PLEKHD1: variants seen among roughly 807,000 people sequenced by gnomAD.
PLEKHD1 encodes the protein pleckstrin homology and coiled-coil domain containing D1.
A neutral mutation model predicts 69.2 loss-of-function variants in PLEKHD1; 51 were observed. That is an observed-to-expected ratio of 0.74 (90% CI 0.59 to 0.93). The LOEUF is 0.93. PLEKHD1 is among the 40% of genes least tolerant of loss of function. The pLI, the probability that PLEKHD1 is intolerant of heterozygous loss-of-function variation, is 0.00. For missense variants in PLEKHD1, 584 were observed against 641.0 expected (o/e 0.91, Z 0.96); for synonymous variants, 236 against 244.7 (o/e 0.96, Z 0.33).
At chr14:69,496,609 C>T (rs1008144769) in intron 1 of PLEKHD1, among the ~76,000 whole-genome samples, 4 of 151,930 alleles carry the variant, frequency 2.6e-5, no homozygotes, top group South Asian at 4.2e-4. Context: ...GGTGTGATCA[C>T]GGCTCACTGC....
intron 6 of PLEKHD1, among the ~76,000 whole-genome samples, chr14:69,506,965 C>T (rs1208998181): frequency 4.2e-5 from 6 of 141,506 alleles, no homozygotes; most frequent in Admixed American, 2.2e-4. Context: ...TGCAGTGGCG[C>T]GATCTCGGCT....
intron 6 of PLEKHD1, among the ~76,000 whole-genome samples, chr14:69,509,293 C>T (rs1307166538): frequency 4.6e-5 from 7 of 152,110 alleles, no homozygotes; most frequent in East Asian, 1.9e-4. Flanking sequence ...AATGTTTTCT[C>T]CTAGTTTGTG....
chr14:69,499,994 C>G, intron 1 of PLEKHD1, 121 bp from the exon 2 acceptor site: 1 of 673,114 alleles, frequency 1.5e-6, no homozygotes, highest in South Asian at 1.9e-5. Context: ...GTAAGGATGG[C>G]TGAGCTGGTG....
intron 6 of PLEKHD1, among the ~76,000 whole-genome samples, chr14:69,518,067 T>C (rs1470307675): frequency 6.6e-6 from 1 of 152,068 alleles, no homozygotes; most frequent in South Asian, 2.1e-4. Context: ...GGCATCACTT[T>C]GTCACCCAGG....
chr14:69,489,747 A>C (rs1179176830), intron 1 of PLEKHD1, among the ~76,000 whole-genome samples: 1 of 152,128 alleles, frequency 6.6e-6, no homozygotes, highest in East Asian at 1.9e-4. Context: ...TGTGTGCCAC[A>C]AATGACCCCA....
rs540482076 is a variant in PLEKHD1 at position 69,528,591 on chromosome 14, G to A, written c.*172G>A. The A allele has an allele frequency of 1.5e-4, 136 of 896,694 alleles. No homozygotes were observed. The African/African-American group carries it at 1.7e-3, about 11-fold the overall frequency. 55.5% of individuals were successfully genotyped at this position (896,694 alleles called of 1,614,324 possible). ...AGCCTTGCCCTCAAAGGACATGGAC[G>A]CTGCCTTCCTCATCCTCACCCCACA... On this transcript the variant is annotated 3_prime_UTR_variant, in exon 13 of 13. Coordinates refer to ENST00000322564, the MANE Select transcript of PLEKHD1 (RefSeq NM_001161498.2).
chr14:69,525,332 G>A (rs1158246847), intron 8 of PLEKHD1, among the ~76,000 whole-genome samples: 2 of 152,152 alleles, frequency 1.3e-5, no homozygotes. Context: ...CTGGAGCCTT[G>A]GAGCTTGTGG....
intron 1 of PLEKHD1, among the ~76,000 whole-genome samples, chr14:69,489,558 CAAAAA>C (rs1166429791): frequency 1.0e-3 from 62 of 59,892 alleles, no homozygotes; most frequent in East Asian, 6.4e-3. Flanking sequence ...TACTCCATCT[CAAAAA>C]AAAAAAAAAA....
chr14:69,496,836 T>C (rs911320207), intron 1 of PLEKHD1, among the ~76,000 whole-genome samples: 26 of 151,882 alleles, frequency 1.7e-4, no homozygotes, highest in African/African-American at 6.0e-4. Flanking sequence ...TATGAGCCAC[T>C]GTACCCAGCC....
intron 6 of PLEKHD1, among the ~76,000 whole-genome samples, chr14:69,511,595 G>T (rs1482019959): frequency 6.6e-6 from 1 of 151,776 alleles, no homozygotes; most frequent in African/African-American, 2.4e-5. Flanking sequence ...TGTCACCCAG[G>T]CTGGAGTGCA....
Position 69,530,953 on chromosome 14 carries a change from C to G in PLEKHD1, c.*2534C>G, listed in dbSNP as rs1318032392. ...CCTGGCCAATATGGCGAAACCCCAC[C>G]TGTACTAAAAATACAAAAATTAGCT... On this transcript the variant is annotated 3_prime_UTR_variant, in exon 13 of 13. Coordinates refer to ENST00000322564, the MANE Select transcript of PLEKHD1 (RefSeq NM_001161498.2). 1 of 152,214 alleles carries G rather than the reference C, an allele frequency of 6.6e-6. No homozygotes were observed. The highest frequency in any genetic ancestry group is 2.4e-5 in the African/African-American group (1 of 41,428). 9.4% of individuals were successfully genotyped at this position (152,214 alleles called of 1,614,324 possible). A position where few individuals can be genotyped will look rare whatever the true frequency, so the allele number is the denominator to read the frequency against.
chr14:69,527,266 C>A lies in PLEKHD1; in HGVS notation c.1135C>A (p.Leu379Met), dbSNP rs1306098369. 6.4e-7 allele frequency: 1 copy of A among 1,551,802 alleles called. No homozygotes were observed. Among genetic ancestry groups the A allele is most frequent in the Non-Finnish European group, 8.7e-7 (1 of 1,147,010 alleles). The change falls in exon 11 of 13, where the codon CTG (leucine) becomes ATG (methionine). Residue 379 changes from leucine (L) to methionine (M), a missense_variant. Transcript: ENST00000322564. ...GGCCTTGCGAAGCCTGGAACAGGGG[C>A]TGAATTCCAAGGTGCGGAATAAGGA... ...EGALRSLEQGLNSKVRNKEKE... is the reference protein window; with the variant it reads ...EGALRSLEQGMNSKVRNKEKE...
Position 69,506,891 on chromosome 14 carries a change from C to CTTTTT in PLEKHD1, c.555+4036_555+4040dup, listed in dbSNP as rs1162412450. 2.0e-3 allele frequency among the ~76,000 whole-genome samples: 155 copies of CTTTTT among 78,060 alleles called. 18 individuals carry two copies. Among genetic ancestry groups the CTTTTT allele is most frequent in the African/African-American group, 8.4e-3 (147 of 17,430 alleles). 51.2% of individuals were successfully genotyped at this position (78,060 alleles called of 152,430 possible). On this transcript the variant is annotated intron_variant, in intron 6 of 12. Transcript: ENST00000322564. ...ACTGTCCTAAAAATCCTGGCAACTG[C>CTTTTT]TTTTTTTTTTTTTTTTTTTTTTTTT...
At chr14:69,470,185 G>A in the PLEKHD1 span, among the ~76,000 whole-genome samples, 88 of 151,866 alleles carry the variant, frequency 5.8e-4, 2 homozygotes, top group South Asian at 0.017. Flanking sequence ...GTAAATGGCC[G>A]GGCACAGTGG....
rs528801006 is a variant in PLEKHD1 at position 69,497,984 on chromosome 14, C to T, written c.150-2131C>T. On this transcript the variant is annotated intron_variant, in intron 1 of 12. Coordinates refer to ENST00000322564, the MANE Select transcript of PLEKHD1 (RefSeq NM_001161498.2). ...GGAGGGTCACTTGAGGCCAAGAGTT[C>T]GAGGCCAGCCTGGGCAACATAGCAA... is the stretch of plus-strand genomic sequence containing the variant. 3.3e-5 allele frequency among the ~76,000 whole-genome samples: 5 copies of T among 151,922 alleles called. No individual in the cohort carries two copies. The East Asian group carries it at 5.8e-4, about 18-fold the overall frequency.
chr14:69,519,752 G>A (rs906825195), intron 6 of PLEKHD1, among the ~76,000 whole-genome samples: 12 of 152,326 alleles, frequency 7.9e-5, no homozygotes, highest in South Asian at 4.1e-4. Context: ...ATCAAGTAAC[G>A]GGAAATGTTT....
chr14:69,521,114 T>C (rs1883504528), intron 6 of PLEKHD1, among the ~76,000 whole-genome samples: 2 of 152,156 alleles, frequency 1.3e-5, no homozygotes, highest in South Asian at 4.1e-4. Flanking sequence ...CCACTCTGCC[T>C]GAGTGACAGA....
At chr14:69,506,492 C>T (rs1344269982) in intron 6 of PLEKHD1, among the ~76,000 whole-genome samples, 1 of 152,204 alleles carries the variant, frequency 6.6e-6, no homozygotes, top group East Asian at 1.9e-4. Context: ...CACTGGCTTC[C>T]TTTAAGAAAC....
intron 6 of PLEKHD1, chr14:69,503,223 G>C (rs989390598): frequency 1.3e-5 from 4 of 314,354 alleles, no homozygotes; most frequent in African/African-American, 2.1e-5. Flanking sequence ...TATCCATAGA[G>C]GGCTATCTGG....
Sources: allele counts gnomAD v4.1 joint callset (sites outside exome capture counted in the v4.1 genomes callset), GRCh38; gene constraint gnomAD v4.1.1; transcripts MANE v1.5; gene names NCBI Gene and HGNC (gene_info 2026-07-23, HGNC 2026-07-21).